The following KDM4C variants were observed in gnomAD, a reference collection of about 807,000 sequenced individuals.
The protein encoded by KDM4C is lysine demethylase 4C, also known as lysine-specific demethylase 4C.
A neutral mutation model predicts 129.3 loss-of-function variants in KDM4C; 81 were observed. The ratio of observed to expected loss-of-function variants is 0.63; its 90% confidence interval spans 0.52 to 0.75. KDM4C has a LOEUF of 0.75. KDM4C is among the 30% of genes least tolerant of loss of function. The pLI, the probability that KDM4C is intolerant of heterozygous loss-of-function variation, is 0.00. For synonymous variants in KDM4C, 573 were observed against 456.1 expected (o/e 1.26, Z -3.26); for missense variants, 1,457 against 1,304.0 (o/e 1.12, Z -1.81).
intron 1 of KDM4C, among the ~76,000 whole-genome samples, chr9:6,783,332 T>C (rs1489147543): frequency 6.6e-6 from 1 of 152,158 alleles, no homozygotes; most frequent in African/African-American, 2.4e-5. Flanking sequence ...AAGACTGGGA[T>C]AGAGAAGCAG....
chr9:6,789,143 G>A (rs768607486), intron 1 of KDM4C, among the ~76,000 whole-genome samples: 20 of 151,018 alleles, frequency 1.3e-4, no homozygotes, highest in Non-Finnish European at 1.9e-4. Flanking sequence ...TCTGCCCCCC[G>A]GGGTGGTAAA....
chr9:7,169,756 C>T (rs1299376215), intron 20 of KDM4C, 42 bp from the exon 21 acceptor site: 1 of 1,496,366 alleles, frequency 6.7e-7, no homozygotes, highest in Non-Finnish European at 9.2e-7. Flanking sequence ...ATGGTCAGTG[C>T]TGTTTTTTTA....
intron 12 of KDM4C, among the ~76,000 whole-genome samples, chr9:7,006,637 T>C (rs1025521859): frequency 2.0e-5 from 3 of 152,094 alleles, no homozygotes; most frequent in African/African-American, 7.2e-5. Flanking sequence ...CAAGCAGAAG[T>C]TGTGGTCAGT....
intron 5 of KDM4C, among the ~76,000 whole-genome samples, chr9:6,854,761 T>C (rs1269992512): frequency 3.3e-5 from 5 of 152,180 alleles, no homozygotes; most frequent in African/African-American, 1.2e-4. Flanking sequence ...TTAAGAAGTA[T>C]CCAATTATTC....
chr9:6,877,301 C>T (rs538082243), intron 5 of KDM4C, among the ~76,000 whole-genome samples: 26 of 152,302 alleles, frequency 1.7e-4, no homozygotes, highest in African/African-American at 5.1e-4. Context: ...CCTGGCTTCA[C>T]GCCATTCTTC....
At chr9:7,077,529 A>G (rs145723880) in intron 17 of KDM4C, among the ~76,000 whole-genome samples, 70 of 152,232 alleles carry the variant, frequency 4.6e-4, no homozygotes, top group Non-Finnish European at 7.6e-4. Context: ...CCCATTTTAT[A>G]TTTTGTAAAA....
At chr9:6,863,964 C>T (rs1185171625) in intron 5 of KDM4C, among the ~76,000 whole-genome samples, 2 of 152,094 alleles carry the variant, frequency 1.3e-5, no homozygotes, top group African/African-American at 2.4e-5. Flanking sequence ...TTAGGCCCCA[C>T]CTCCAACATT....
At position 6,821,273 on chromosome 9, in the gene KDM4C, C is replaced by G. The variant is rs566054721; in HGVS notation, c.435+6528C>G. 5.3e-5 allele frequency among the ~76,000 whole-genome samples: 8 copies of G among 152,264 alleles called. No individual in the cohort carries two copies. The East Asian group carries it at 9.7e-4, about 18-fold the overall frequency. On this transcript the variant is annotated intron_variant, in intron 4 of 21. Coordinates refer to ENST00000381309, the MANE Select transcript of KDM4C (RefSeq NM_015061.6). ...GCTGGGTCAAATGATAATTCTAGTT[C>G]TAGATCCTTGAGGAATCACCACACT...
At chr9:6,880,480 A>C (rs528447574) in intron 6 of KDM4C, among the ~76,000 whole-genome samples, 1 of 151,764 alleles carries the variant, frequency 6.6e-6, no homozygotes, top group South Asian at 2.1e-4. Flanking sequence ...TTTTCTGTTG[A>C]TCTGCTGTTT....
intron 5 of KDM4C, among the ~76,000 whole-genome samples, chr9:6,867,163 A>G (rs1002453382): frequency 2.6e-5 from 4 of 151,626 alleles, no homozygotes; most frequent in African/African-American, 4.8e-5. Flanking sequence ...TTACAGGCAC[A>G]CACCTACACA....
chr9:7,016,374 G>A (rs1180181720), intron 15 of KDM4C, among the ~76,000 whole-genome samples: 1 of 148,078 alleles, frequency 6.8e-6, no homozygotes, highest in Non-Finnish European at 1.5e-5. Context: ...TGATCTGCTC[G>A]CCTCGGCCTC....
At chr9:6,826,846 G>A (rs1833964397) in intron 4 of KDM4C, among the ~76,000 whole-genome samples, 2 of 149,762 alleles carry the variant, frequency 1.3e-5, no homozygotes, top group South Asian at 2.1e-4. Flanking sequence ...CAGCCTGGGC[G>A]ACAGAGTGAA....
At chr9:7,119,084 A>G (rs1035552090) in intron 18 of KDM4C, among the ~76,000 whole-genome samples, 1 of 152,204 alleles carries the variant, frequency 6.6e-6, no homozygotes, top group African/African-American at 2.4e-5. Flanking sequence ...CCACTTGAGT[A>G]TTTAAGTTAG....
At chr9:6,976,356 T>C (rs2792230) in intron 8 of KDM4C, among the ~76,000 whole-genome samples, 24,103 of 152,192 alleles carry the variant, frequency 0.16, 2,062 homozygotes, top group Admixed American at 0.21. Context: ...AATAGATTCT[T>C]AATTCTTACT....
At chr9:7,124,599 G>A (rs1839843260) in intron 18 of KDM4C, among the ~76,000 whole-genome samples, 1 of 152,196 alleles carries the variant, frequency 6.6e-6, no homozygotes, top group Admixed American at 6.5e-5. Context: ...ATGAATGGGG[G>A]TAAAGTCGTA....
chr9:7,088,855 A>T (rs980248111), intron 17 of KDM4C, among the ~76,000 whole-genome samples: 2 of 139,222 alleles, frequency 1.4e-5, no homozygotes, highest in African/African-American at 6.5e-5. Flanking sequence ...AAAGAAAAAG[A>T]AAAAAAAAAG....
rs200894430 is a variant in KDM4C at position 6,759,108 on chromosome 9, TG to T, written c.-18+906del. 9.2e-3 allele frequency among the ~76,000 whole-genome samples: 1,398 copies of T among 152,346 alleles called. 11 individuals are homozygous for T. The highest frequency in any genetic ancestry group is 0.014 in the Non-Finnish European group (935 of 68,028). ...GGAAGAGACAAGGTAAACTTTTTTTTGCGCTTGATAAACTAACCCCGAGAGG... is the reference window on the plus strand; with the variant it reads ...GGAAGAGACAAGGTAAACTTTTTTTTCGCTTGATAAACTAACCCCGAGAGG... On this transcript the variant is annotated intron_variant, in intron 1 of 21. Coordinates refer to ENST00000381309, the MANE Select transcript of KDM4C (RefSeq NM_015061.6).
At chr9:6,903,226 G>A (rs941472193) in intron 8 of KDM4C, among the ~76,000 whole-genome samples, 2 of 152,128 alleles carry the variant, frequency 1.3e-5, no homozygotes, top group African/African-American at 4.8e-5. Context: ...ATTCAGGGTT[G>A]TCCTTTGATT....
At chr9:6,847,861 A>G (rs902077751) in intron 4 of KDM4C, among the ~76,000 whole-genome samples, 10 of 152,174 alleles carry the variant, frequency 6.6e-5, no homozygotes, top group African/African-American at 1.9e-4. Context: ...CTTCATCAAT[A>G]GTTTTTTAAC....
Sources: allele counts gnomAD v4.1 joint callset (sites outside exome capture counted in the v4.1 genomes callset), GRCh38; gene constraint gnomAD v4.1.1; transcripts MANE v1.5; gene names NCBI Gene and HGNC (gene_info 2026-07-23, HGNC 2026-07-21).